The following ITSN2 variants were observed in gnomAD, a reference collection of about 807,000 sequenced individuals.
The protein encoded by ITSN2 is intersectin 2.
In ITSN2, 156 loss-of-function variants were observed where a neutral mutation model predicts 243.7. The ratio of observed to expected loss-of-function variants is 0.64; its 90% CI spans 0.56 to 0.73. ITSN2 has a LOEUF of 0.73. Among genes scored for constraint, ITSN2 ranks in the 30% least tolerant of loss-of-function variants. The pLI is 0.00. For synonymous variants in ITSN2, 703 were observed against 699.9 expected, an observed-to-expected ratio of 1.00 and a Z score of -0.07; for missense variants, 1,801 against 1,996.1, an observed-to-expected ratio of 0.90 and a Z score of 1.86.
intron 33 of ITSN2, 112 bp downstream of exon 33, chr2:24,212,538 A>T (rs1669590722): frequency 1.3e-6 from 1 of 751,208 alleles, no homozygotes; most frequent in Non-Finnish European, 2.2e-6. Flanking sequence ...GCGGTGTCAC[A>T]CTGTGTGCAG....
At chr2:24,264,725 A>ACAC (rs1676431215) in intron 20 of ITSN2, among the ~76,000 whole-genome samples, 1 of 112,706 alleles carries the variant, frequency 8.9e-6, no homozygotes. Context: ...CACACACACA[A>ACAC]ACACACGTAG....
rs77572527 is a variant in ITSN2 at position 24,321,674 on chromosome 2, G to C, written c.31+6378C>G. ...AGAAAATAAATAAATAAACCTGTCA[G>C]GATTCCTGTCACTAGGAAGGCAAGT... On this transcript the variant is annotated intron_variant, in intron 2 of 39. Coordinates refer to ENST00000355123, the MANE Select transcript of ITSN2 (RefSeq NM_006277.3). 1,241 of 152,230 alleles carry C rather than the reference G, an allele frequency of 8.2e-3. 11 individuals are homozygous for C. Among genetic ancestry groups the C allele is most frequent in the African/African-American group, 0.029 (1,199 of 41,536 alleles). 9.4% of individuals were successfully genotyped at this position (152,230 alleles called of 1,614,324 possible). A position where few individuals can be genotyped will look rare whatever the true frequency, so the allele number is the denominator to read the frequency against.
chr2:24,255,810 G>A (rs1396804609), intron 23 of ITSN2, among the ~76,000 whole-genome samples: 1 of 152,034 alleles, frequency 6.6e-6, no homozygotes, highest in Non-Finnish European at 1.5e-5. Flanking sequence ...AGCACTTTGG[G>A]AGGCCAAGGC....
chr2:24,328,243 T>G (rs1685372476), intron 1 of ITSN2, 128 bp from the exon 2 acceptor site: 1 of 618,304 alleles, frequency 1.6e-6, no homozygotes, highest in South Asian at 2.3e-5. Context: ...ATGCAGAGCT[T>G]CTGCTGCTGC....
At chr2:24,302,140 T>A in intron 9 of ITSN2, 38 bp from the exon 10 acceptor site, 1 of 1,469,496 alleles carries the variant, frequency 6.8e-7, no homozygotes, top group Non-Finnish European at 9.2e-7. Flanking sequence ...TAATAAAGTC[T>A]ATTTGGAGTA....
chr2:24,213,748 T>A (rs1469776204), intron 32 of ITSN2, among the ~76,000 whole-genome samples: 1 of 152,228 alleles, frequency 6.6e-6, no homozygotes. Flanking sequence ...TACTAACAAT[T>A]CTCAGTTTAT....
chr2:24,205,138 C>CTCTG, intron 38 of ITSN2, 76 bp downstream of exon 38: 4 of 1,221,094 alleles, frequency 3.3e-6, no homozygotes, highest in Non-Finnish European at 4.8e-6. Context: ...TACACTGAGA[C>CTCTG]TCTGTCTCAA....
upstream of ITSN2, among the ~76,000 whole-genome samples, chr2:24,361,081 C>A (rs1688959712): frequency 6.6e-6 from 1 of 152,154 alleles, no homozygotes; most frequent in Non-Finnish European, 1.5e-5. Flanking sequence ...TTAACCATAC[C>A]CTCGGTCATC....
intron 17 of ITSN2, among the ~76,000 whole-genome samples, chr2:24,277,612 G>A (rs1678178683): frequency 6.6e-6 from 1 of 152,178 alleles, no homozygotes. Context: ...TAGTGATGAG[G>A]AGCATGGGTC....
In ITSN2 at chr2:24,223,682, T is replaced by TC. The variant is rs1429644074; in HGVS notation, c.3578-2617dup. 2.6e-3 allele frequency among the ~76,000 whole-genome samples: 174 copies of TC among 66,064 alleles called. 3 individuals are homozygous for TC. The highest frequency in any genetic ancestry group is 0.012 in the Middle Eastern group (1 of 82). The allele number at this position is 66,064 out of a possible 152,430, so 43.3% of individuals were successfully genotyped here. On this transcript the variant is annotated intron_variant, in intron 29 of 39. Coordinates refer to ENST00000355123, the MANE Select transcript of ITSN2 (RefSeq NM_006277.3). ...GGCCAGATAAGAGTGAGACCCTGTT[T>TC]CAAAAAAAAAAAAAAAAGGAAAAGA...
chr2:24,252,661 G>A (rs1674499762), intron 24 of ITSN2, 150 bp from the exon 25 acceptor site: 6 of 446,640 alleles, frequency 1.3e-5, no homozygotes, highest in Admixed American at 1.2e-4. Flanking sequence ...TCTAAAGGTA[G>A]AAAAAGGAAC....
intron 29 of ITSN2, among the ~76,000 whole-genome samples, chr2:24,237,504 G>A (rs1450145658): frequency 6.6e-6 from 1 of 152,096 alleles, no homozygotes; most frequent in Non-Finnish European, 1.5e-5. Flanking sequence ...CATTCCACCA[G>A]GTGGTGTACA....
chr2:24,295,901 A>T (rs1680902026), intron 13 of ITSN2, 97 bp from the exon 14 acceptor site: 10 of 925,628 alleles, frequency 1.1e-5, no homozygotes. Context: ...TTAAAATCTC[A>T]GTTATCATTC....
chr2:24,353,553 A>C (rs891536059), intron 1 of ITSN2, among the ~76,000 whole-genome samples: 2 of 152,198 alleles, frequency 1.3e-5, no homozygotes, highest in African/African-American at 2.4e-5. Context: ...CCGCCACTGC[A>C]CTCCAGCCTG....
chr2:24,267,406 TAAGGA>T (rs1453547475), intron 20 of ITSN2, among the ~76,000 whole-genome samples: 9 of 152,044 alleles, frequency 5.9e-5, no homozygotes, highest in Non-Finnish European at 1.2e-4. Flanking sequence ...AGTATGGTCT[TAAGGA>T]AAGGAATCAC....
rs1313438214 is a variant in ITSN2, at chr2:24,252,467, A to G, written c.2998T>C (p.Leu1000=). ...ATTTCTTCACCTTCTGTGAAAGTCA[A>G]ATCTCCAGGTTCCACACTTGAATAT... is the stretch of plus-strand genomic sequence containing the variant. ...YPYSSVEPGD[L]TFTEGEEILV... Residue 1000 remains leucine, a synonymous_variant, in exon 25 of 40, where the codon TTG becomes CTG. Transcript: ENST00000355123. 6.2e-7 allele frequency: 1 copy of G among 1,612,716 alleles called. No homozygotes were observed. The highest frequency in any genetic ancestry group is 1.3e-5 in the African/African-American group (1 of 74,900).
At chr2:24,237,827 A>G (rs921485053) in intron 29 of ITSN2, among the ~76,000 whole-genome samples, 1 of 152,180 alleles carries the variant, frequency 6.6e-6, no homozygotes, top group Admixed American at 6.5e-5. Flanking sequence ...CCGAACTTCA[A>G]TCCATTTAAA....
At chr2:24,333,336 G>T (rs1387611179) in intron 1 of ITSN2, among the ~76,000 whole-genome samples, 1 of 152,156 alleles carries the variant, frequency 6.6e-6, no homozygotes, top group South Asian at 2.1e-4. Flanking sequence ...CATAAATTAG[G>T]GAGTGCTAAT....
chr2:24,342,433 A>G (rs1213743904), intron 1 of ITSN2, among the ~76,000 whole-genome samples: 1 of 150,962 alleles, frequency 6.6e-6, no homozygotes, highest in Non-Finnish European at 1.5e-5. Context: ...TCCTAAGCTC[A>G]AGTGATCCTC....
Sources: allele counts gnomAD v4.1 joint callset (sites outside exome capture counted in the v4.1 genomes callset), GRCh38; gene constraint gnomAD v4.1.1; transcripts MANE v1.5; gene names NCBI Gene and HGNC (gene_info 2026-07-23, HGNC 2026-07-21).